The following PRMT9 variants were observed in gnomAD, a reference collection of about 807,000 sequenced individuals.
PRMT9 encodes the protein protein arginine methyltransferase 9.
A neutral mutation model predicts 83.2 loss-of-function variants in PRMT9; 59 were observed. That is an observed-to-expected ratio of 0.71 (90% CI 0.57 to 0.88). The LOEUF (loss-of-function observed/expected upper bound fraction) is 0.88, where lower values mean the gene tolerates loss of function less well. PRMT9 is among the 40% of genes least tolerant of loss of function. PRMT9 has a pLI of 0.00. For synonymous variants in PRMT9, 333 were observed against 353.2 expected (o/e 0.94, Z 0.64); for missense variants, 947 against 1,021.9 (o/e 0.93, Z 1.00).
Position 147,683,789 on chromosome 4 carries a change from G to A in PRMT9, c.189+10C>T. On this transcript the variant is annotated intron_variant, in intron 1 of 11. Transcript: ENST00000322396. The stretch of plus-strand genomic sequence containing the variant: ...GGATCTGCCAGCAAGTGAGAAAAAA[G>A]GACCCTCACCTTCACGTCGTGTTTC... 1 of 1,467,398 alleles carries A rather than the reference G, an allele frequency of 6.8e-7. No individual in the cohort carries two copies. Among genetic ancestry groups the A allele is most frequent in the Non-Finnish European group, 9.2e-7 (1 of 1,086,968 alleles). 90.9% of individuals were successfully genotyped at this position (1,467,398 alleles called of 1,614,324 possible). A position where few individuals can be genotyped will look rare whatever the true frequency, so the allele number is the denominator to read the frequency against.
At chr4:147,664,688 C>T (rs1056771759) in intron 6 of PRMT9, among the ~76,000 whole-genome samples, 9 of 151,990 alleles carry the variant, frequency 5.9e-5, no homozygotes, top group Non-Finnish European at 1.0e-4. Context: ...CTAATGCATG[C>T]GGGGCTTAAA....
intron 9 of PRMT9, among the ~76,000 whole-genome samples, chr4:147,645,042 TTAAA>T (rs1733644018): frequency 6.6e-6 from 1 of 152,220 alleles, no homozygotes; most frequent in Admixed American, 6.5e-5. Context: ...TACTCCTAAG[TTAAA>T]TAGAGTAAGA....
intron 9 of PRMT9, among the ~76,000 whole-genome samples, chr4:147,650,498 CT>C (rs1734020497): frequency 6.6e-6 from 1 of 152,062 alleles, no homozygotes; most frequent in South Asian, 2.1e-4. Flanking sequence ...TGTTTGTACA[CT>C]GAAAACTATA....
At chr4:147,657,589 A>G (rs1039290290) in intron 8 of PRMT9, among the ~76,000 whole-genome samples, 1 of 152,004 alleles carries the variant, frequency 6.6e-6, no homozygotes, top group Non-Finnish European at 1.5e-5. Context: ...TTCAAATGCT[A>G]TGCAACAGAG....
At chr4:147,644,831 G>A (rs1300516350) in intron 9 of PRMT9, among the ~76,000 whole-genome samples, 2 of 152,170 alleles carry the variant, frequency 1.3e-5, no homozygotes, top group African/African-American at 4.8e-5. Flanking sequence ...AAGGGTGGGT[G>A]GGCCACCTAC....
chr4:147,658,975 T>C (rs560662245), intron 7 of PRMT9, among the ~76,000 whole-genome samples: 30 of 152,072 alleles, frequency 2.0e-4, no homozygotes, highest in African/African-American at 5.5e-4. Context: ...GCCAGGAGAT[T>C]GAGACCATCC....
At chr4:147,642,147 T>C (rs866097098) in intron 10 of PRMT9, among the ~76,000 whole-genome samples, 9 of 152,190 alleles carry the variant, frequency 5.9e-5, no homozygotes, top group African/African-American at 1.4e-4. Flanking sequence ...GTTTAGAACA[T>C]AGATCTTTTT....
chr4:147,664,251 T>A (rs2126615924), intron 6 of PRMT9, among the ~76,000 whole-genome samples: 1 of 152,316 alleles, frequency 6.6e-6, no homozygotes, highest in South Asian at 2.1e-4. Context: ...AAGACTGCAG[T>A]GAGCCATGAT....
At chr4:147,650,800 G>A (rs1450118769) in intron 9 of PRMT9, among the ~76,000 whole-genome samples, 2 of 152,160 alleles carry the variant, frequency 1.3e-5, no homozygotes, top group African/African-American at 4.8e-5. Context: ...ACAGACCAAC[G>A]GAACTAGAAA....
At position 147,639,059 on chromosome 4, in the gene PRMT9, G is replaced by C. The variant is rs34852471; in HGVS notation, c.2223C>G (p.Asp741Glu). Reference protein sequence around the residue: ...QFQVPIRVFLDLSSLPCIPLS... With the variant: ...QFQVPIRVFLELSSLPCIPLS... ...AAGGTATACAGGGCAATGAGGATAG[G>C]TCCAAAAATACACGTATAGGTACCT... Residue 741 changes from aspartate to glutamate, a missense_variant, in exon 11 of 12, where the codon GAC becomes GAG. Transcript: ENST00000322396. 3 of 1,613,258 alleles carry C rather than the reference G, an allele frequency of 1.9e-6. No individual in the cohort carries two copies. The South Asian group carries it at 3.3e-5, about 18-fold the overall frequency.
rs368738245 is a variant in PRMT9 at position 147,683,808 on chromosome 4, G to A, written c.180C>T (p.His60=). 27 of 1,606,396 alleles carry A rather than the reference G, an allele frequency of 1.7e-5. No individual in the cohort carries two copies. The highest frequency in any genetic ancestry group is 1.4e-4 in the African/African-American group (10 of 73,118). The change falls in exon 1 of 12, where the codon CAC becomes CAT. Residue 60 remains histidine (H), a synonymous_variant. Coordinates refer to ENST00000322396, the MANE Select transcript of PRMT9 (RefSeq NM_138364.4). ...AAAAAAGGACCCTCACCTTCACGTC[G>A]TGTTTCAGCTCCGGCGCCAGGCTGA... ...LVLSLAPELK[H]DVKETFQYTL... is the part of the protein sequence containing the mutation.
chr4:147,680,399 CAAGT>C lies in PRMT9; in HGVS notation c.258_261del (p.Leu87ValfsTer15). 6.2e-7 allele frequency: 1 copy of C among 1,613,970 alleles called. No homozygotes were observed. Among genetic ancestry groups the C allele is most frequent in the Non-Finnish European group, 8.5e-7 (1 of 1,179,858 alleles). On this transcript the variant is annotated frameshift_variant, in exon 2 of 12. Coordinates refer to ENST00000322396, the MANE Select transcript of PRMT9 (RefSeq NM_138364.4). LOFTEE classifies it high-confidence loss of function. ...AGTTCCAAGGCCTGCTCATAGCAAC[CAAGT>C]AAGTCTTGTATCCGACTGAGAGCAT...
chr4:147,641,491 A>T (rs968211367), intron 10 of PRMT9, among the ~76,000 whole-genome samples: 1 of 152,124 alleles, frequency 6.6e-6, no homozygotes, highest in Non-Finnish European at 1.5e-5. Context: ...CCTTTATAAA[A>T]TAGTATATCC....
chr4:147,649,801 AGCAAGAATG>A (rs1733977525), intron 9 of PRMT9, among the ~76,000 whole-genome samples: 1 of 152,110 alleles, frequency 6.6e-6, no homozygotes, highest in Non-Finnish European at 1.5e-5. Flanking sequence ...CACCGCATCC[AGCAAGAATG>A]AACATTTAAA....
intron 1 of PRMT9, 113 bp downstream of exon 1, chr4:147,683,686 A>G (rs1022772280): frequency 1.3e-5 from 13 of 1,007,574 alleles, no homozygotes; most frequent in Non-Finnish European, 2.0e-5. Flanking sequence ...AAATATTAAC[A>G]GCAACCACCC....
intron 4 of PRMT9, among the ~76,000 whole-genome samples, chr4:147,671,139 T>C (rs1013833461): frequency 1.3e-5 from 2 of 152,200 alleles, no homozygotes; most frequent in Admixed American, 1.3e-4. Flanking sequence ...TCTATAAAAA[T>C]ATTCTCTACC....
intron 9 of PRMT9, among the ~76,000 whole-genome samples, chr4:147,645,272 T>C (rs1159286684): frequency 6.6e-6 from 1 of 152,192 alleles, no homozygotes; most frequent in East Asian, 1.9e-4. Flanking sequence ...TCTGGTCTCT[T>C]ACTAAACTGA....
intron 6 of PRMT9, among the ~76,000 whole-genome samples, chr4:147,662,119 A>G (rs1306648610): frequency 2.0e-5 from 3 of 152,226 alleles, no homozygotes; most frequent in African/African-American, 7.2e-5. Context: ...AAAAAAACTG[A>G]TATAACCTAA....
intron 2 of PRMT9, among the ~76,000 whole-genome samples, chr4:147,677,614 C>T (rs555544780): frequency 1.1e-4 from 17 of 151,960 alleles, no homozygotes; most frequent in African/African-American, 3.9e-4. Context: ...CCACCACACC[C>T]GTTTACTTTT....
Sources: gnomAD v4.1 joint callset for allele counts (sites outside exome capture counted in the v4.1 genomes callset) on GRCh38, gnomAD v4.1.1 for gene constraint, MANE v1.5 for transcripts, NCBI Gene and HGNC (gene_info 2026-07-23, HGNC 2026-07-21) for gene names.